The following EVA1C variants were observed in gnomAD, a reference collection of about 807,000 sequenced individuals.
The protein encoded by EVA1C is eva-1 homolog C.
In EVA1C, 25 loss-of-function variants were observed where a neutral mutation model predicts 45.4. The ratio of observed to expected loss-of-function variants is 0.55; its 90% CI spans 0.40 to 0.77. The LOEUF is 0.77. EVA1C is among the 30% of genes least tolerant of loss of function. The pLI, the probability that EVA1C is intolerant of heterozygous loss-of-function variation, is 0.00. For synonymous variants in EVA1C, 190 were observed against 221.2 expected, an observed-to-expected ratio of 0.86 and a Z score of 1.25; for missense variants, 479 against 554.8, an observed-to-expected ratio of 0.86 and a Z score of 1.37.
chr21:32,457,984 T>C (rs1360956430), intron 3 of EVA1C, among the ~76,000 whole-genome samples: 2 of 152,204 alleles, frequency 1.3e-5, no homozygotes, highest in African/African-American at 4.8e-5. Context: ...CTTTCCAATA[T>C]GTAAAACTCA....
chr21:32,468,072 A>G (rs2036243626), intron 4 of EVA1C: 3 of 232,282 alleles, frequency 1.3e-5, no homozygotes, highest in Non-Finnish European at 2.4e-5. Context: ...AAAATAAATA[A>G]GTAAAAGAAC....
At chr21:32,513,800 C>T (rs912271242) in intron 7 of EVA1C, among the ~76,000 whole-genome samples, 3 of 151,806 alleles carry the variant, frequency 2.0e-5, no homozygotes, top group Non-Finnish European at 2.9e-5. Context: ...CTTGGCCTCC[C>T]GAAGTGTTGG....
intron 3 of EVA1C, among the ~76,000 whole-genome samples, chr21:32,465,741 G>A (rs55708555): frequency 4.3e-4 from 65 of 152,178 alleles, no homozygotes; most frequent in Non-Finnish European, 9.1e-4. Flanking sequence ...CAGGTGATCC[G>A]CCCGCCTTGG....
chr21:32,414,372 G>A (rs965370846), intron 1 of EVA1C, among the ~76,000 whole-genome samples: 9 of 152,140 alleles, frequency 5.9e-5, no homozygotes, highest in African/African-American at 2.2e-4. Flanking sequence ...TTTGAGCTAT[G>A]GAAAGCAGTT....
At chr21:32,503,778 T>C (rs2037634343) in intron 6 of EVA1C, 148 bp from the exon 7 acceptor site, 5 of 591,370 alleles carry the variant, frequency 8.5e-6, no homozygotes, top group South Asian at 2.2e-5. Context: ...GGGTTAATCT[T>C]CTGTAATTTA....
At chr21:32,508,550 C>A (rs778070849) in intron 7 of EVA1C, among the ~76,000 whole-genome samples, 21 of 152,208 alleles carry the variant, frequency 1.4e-4, no homozygotes, top group Non-Finnish European at 1.3e-4. Flanking sequence ...ATCAGCACCA[C>A]CTTGTCACGG....
intron 2 of EVA1C, among the ~76,000 whole-genome samples, chr21:32,453,925 A>G (rs190374441): frequency 2.0e-5 from 3 of 152,278 alleles, no homozygotes; most frequent in East Asian, 1.9e-4. Context: ...GTCATGACCA[A>G]CTTTTTAGAA....
rs1337420505 is a variant in EVA1C at position 32,412,928 on chromosome 21, A to G, written c.75A>G (p.Val25=). 3.3e-6 allele frequency: 5 copies of G among 1,531,626 alleles called. No individual in the cohort carries two copies. Among genetic ancestry groups the G allele is most frequent in the South Asian group, 1.2e-5 (1 of 82,218 alleles). 94.9% of individuals were successfully genotyped at this position (1,531,626 alleles called of 1,614,324 possible). The change falls in exon 1 of 8, where the codon GTA becomes GTG. Residue 25 remains valine (V), a synonymous_variant. Coordinates refer to ENST00000300255, the MANE Select transcript of EVA1C (RefSeq NM_058187.5). ...PVQHPGLRRQ[V]EPPGQLLRLF... ...AGCATCCCGGCCTCCGCCGGCAGGT[A>G]GAGCCGCCGGGGCAGCTCCTGCGCC...
intron 1 of EVA1C, among the ~76,000 whole-genome samples, chr21:32,438,076 T>C (rs1259232289): frequency 6.6e-6 from 1 of 152,206 alleles, no homozygotes; most frequent in Non-Finnish European, 1.5e-5. Flanking sequence ...CCCACCCTGC[T>C]TGATCTCCAA....
chr21:32,467,925 A>C, intron 4 of EVA1C, 77 bp downstream of exon 4: 3 of 818,642 alleles, frequency 3.7e-6, no homozygotes, highest in Non-Finnish European at 4.9e-6. Context: ...TATATATCCT[A>C]TATATATCCT....
intron 3 of EVA1C, among the ~76,000 whole-genome samples, chr21:32,462,902 G>A (rs1045581038): frequency 1.3e-5 from 2 of 152,174 alleles, no homozygotes; most frequent in African/African-American, 4.8e-5. Context: ...TTGCTGTGAT[G>A]ATTTATGTGG....
chr21:32,447,546 A>G (rs1248245193), intron 1 of EVA1C, among the ~76,000 whole-genome samples: 1 of 139,048 alleles, frequency 7.2e-6, no homozygotes, highest in Non-Finnish European at 1.5e-5. Flanking sequence ...TTTTTTTTTG[A>G]TAACTTAATC....
intron 2 of EVA1C, among the ~76,000 whole-genome samples, chr21:32,454,535 T>G (rs1882576157): frequency 6.6e-6 from 1 of 152,122 alleles, no homozygotes; most frequent in Admixed American, 6.5e-5. Context: ...CAACTTCTAC[T>G]TCACCATCCC....
intron 4 of EVA1C, among the ~76,000 whole-genome samples, chr21:32,478,997 T>A (rs2036681479): frequency 6.6e-6 from 1 of 152,380 alleles, no homozygotes; most frequent in Admixed American, 6.5e-5. Flanking sequence ...CCTTATTATC[T>A]AAATAAACAC....
chr21:32,493,479 G>A (rs1263194090), intron 4 of EVA1C, among the ~76,000 whole-genome samples: 1 of 152,076 alleles, frequency 6.6e-6, no homozygotes, highest in Non-Finnish European at 1.5e-5. Context: ...TCCAGCCTGT[G>A]GCCAGCCCCT....
chr21:32,468,751 C>G (rs2036271713), intron 4 of EVA1C, among the ~76,000 whole-genome samples: 1 of 152,174 alleles, frequency 6.6e-6, no homozygotes. Flanking sequence ...ATTGTGCCCA[C>G]CAGATTAAGG....
intron 4 of EVA1C, among the ~76,000 whole-genome samples, chr21:32,481,447 C>A (rs1601385813): frequency 7.0e-6 from 1 of 143,336 alleles, no homozygotes; most frequent in African/African-American, 2.6e-5. Flanking sequence ...CTCAAAACCC[C>A]AAATAAAACA....
chr21:32,434,127 C>T lies in EVA1C; in HGVS notation c.161-19185C>T, dbSNP rs1327984897. On this transcript the variant is annotated intron_variant, in intron 1 of 7. Transcript: ENST00000300255. Reference sequence around the variant, plus strand: ...CTGGCCAACATGGTGAAAACTGTCTCTACTAAAAATACAAAAAAATTAGCT... The same window carrying T: ...CTGGCCAACATGGTGAAAACTGTCTTTACTAAAAATACAAAAAAATTAGCT... Among the ~76,000 whole-genome samples the T allele has an allele frequency of 2.0e-5, 3 of 151,272 alleles. No individual in the cohort carries two copies. In the East Asian group the frequency reaches 5.9e-4, roughly 30 times the overall value.
intron 5 of EVA1C, chr21:32,496,862 C>A (rs1001821994): frequency 2.0e-6 from 2 of 977,746 alleles, no homozygotes; most frequent in African/African-American, 3.2e-5. Context: ...ACAGCTAAAT[C>A]TGGAGATATA....
Sources: gnomAD v4.1 joint callset for allele counts (sites outside exome capture counted in the v4.1 genomes callset) on GRCh38, gnomAD v4.1.1 for gene constraint, MANE v1.5 for transcripts, NCBI Gene and HGNC (gene_info 2026-07-23, HGNC 2026-07-21) for gene names.